The following CCDC171 variants were observed in gnomAD, a reference collection of about 807,000 sequenced individuals.
CCDC171 encodes coiled-coil domain containing 171.
Under a neutral mutation model 168.2 loss-of-function variants are expected in CCDC171, and 177 were observed. The observed-to-expected ratio is 1.05, with a 90% CI of 0.93 to 1.19. CCDC171 has a LOEUF of 1.19. CCDC171 is among the 50% of genes most tolerant of loss of function. The probability of loss-of-function intolerance (pLI) is 0.00; values close to 1 mark genes in which losing one functional copy is unlikely to be tolerated. For synonymous variants in CCDC171, 687 were observed against 540.8 expected, an observed-to-expected ratio of 1.27 and a Z score of -3.75; for missense variants, 1,991 against 1,539.0, an observed-to-expected ratio of 1.29 and a Z score of -4.91.
chr9:15,785,879 T>C (rs551491990), intron 21 of CCDC171, among the ~76,000 whole-genome samples: 2 of 152,210 alleles, frequency 1.3e-5, no homozygotes, highest in South Asian at 2.1e-4. Context: ...GTACTATTAT[T>C]ATGATTTTGA....
chr9:16,097,357 T>G, the CCDC171 span, among the ~76,000 whole-genome samples: 1 of 152,362 alleles, frequency 6.6e-6, no homozygotes, highest in Admixed American at 6.5e-5. Context: ...GAGAAAAAGC[T>G]AAATTACATC....
At chr9:15,680,570 T>C (rs1169777605) in intron 10 of CCDC171, among the ~76,000 whole-genome samples, 1 of 152,240 alleles carries the variant, frequency 6.6e-6, no homozygotes, top group East Asian at 1.9e-4. Flanking sequence ...TCCATTTATC[T>C]AAAGATGTTT....
At chr9:15,885,765 G>A (rs1819313447) in intron 24 of CCDC171, 1 of 152,096 alleles carries the variant, frequency 6.6e-6, no homozygotes, top group African/African-American at 2.4e-5. Flanking sequence ...GACAACTTAA[G>A]TGACAGCAGT....
chr9:15,983,355 A>G (rs139046479), intron 3 of CCDC171, among the ~76,000 whole-genome samples: 2 of 152,058 alleles, frequency 1.3e-5, no homozygotes, highest in African/African-American at 4.8e-5. Context: ...TTCTAGCAAT[A>G]TCTGTTTTTC....
chr9:15,845,909 CA>C (rs1185873898), intron 21 of CCDC171, among the ~76,000 whole-genome samples: 1 of 152,012 alleles, frequency 6.6e-6, no homozygotes, highest in Non-Finnish European at 1.5e-5. Flanking sequence ...TCTAAGCCTT[CA>C]GTGTAAAGTT....
At chr9:16,058,152 G>C (rs1416644940) in intron 1 of CCDC171, among the ~76,000 whole-genome samples, 1 of 152,034 alleles carries the variant, frequency 6.6e-6, no homozygotes, top group African/African-American at 2.4e-5. Flanking sequence ...AGTAGCTCTT[G>C]TCCAAGACCG....
At chr9:16,078,560 G>T in the CCDC171 span, among the ~76,000 whole-genome samples, 1 of 152,174 alleles carries the variant, frequency 6.6e-6, no homozygotes, top group African/African-American at 2.4e-5. Flanking sequence ...TTAGTGATTT[G>T]ATTTGACAGA....
At chr9:15,994,503 G>T (rs547655285) in intron 3 of CCDC171, among the ~76,000 whole-genome samples, 4 of 152,284 alleles carry the variant, frequency 2.6e-5, no homozygotes, top group African/African-American at 9.6e-5. Context: ...GTTAATGGGT[G>T]CAACATGCCA....
chr9:15,924,814 A>G (rs1335529910), intron 25 of CCDC171, among the ~76,000 whole-genome samples: 1 of 151,486 alleles, frequency 6.6e-6, no homozygotes, highest in East Asian at 1.9e-4. Flanking sequence ...CAATAATTTT[A>G]TGCTTGCTCT....
At chr9:15,637,774 C>T (rs1452765731) in intron 7 of CCDC171, among the ~76,000 whole-genome samples, 1 of 151,936 alleles carries the variant, frequency 6.6e-6, no homozygotes, top group African/African-American at 2.4e-5. Context: ...CCAATTTCAT[C>T]CATGTCCCTA....
At chr9:15,568,642 G>A (rs200953551) in intron 2 of CCDC171, among the ~76,000 whole-genome samples, 2 of 152,040 alleles carry the variant, frequency 1.3e-5, no homozygotes, top group South Asian at 2.1e-4. Context: ...TTTGATTTGC[G>A]TTTCTCTAAT....
chr9:15,616,831 T>C (rs1587441137), intron 6 of CCDC171, among the ~76,000 whole-genome samples: 1 of 152,356 alleles, frequency 6.6e-6, no homozygotes, highest in Non-Finnish European at 1.5e-5. Flanking sequence ...AGGTTGTTCA[T>C]AATACTATTT....
At position 15,784,646 on chromosome 9, in the gene CCDC171, C is replaced by T; in HGVS notation, c.3219C>T (p.His1073=). The change falls in exon 21 of 26, where the codon CAC becomes CAT. Residue 1073 remains histidine, a synonymous_variant. Transcript: ENST00000380701. ...AATTGAATTATAAACTTGAATTGCA[C>T]TCCAGTGAGGAAGCTGACAAAAACC... ...LQELNYKLEL[H]SSEEADKNQT... The T allele has an allele frequency of 2.5e-6, 4 of 1,613,282 alleles. No homozygotes were observed. In the South Asian group the frequency reaches 4.4e-5, roughly 18 times the overall value.
chr9:15,724,927 C>T lies in CCDC171; in HGVS notation c.1643C>T (p.Ser548Phe). The change falls in exon 14 of 26, where the codon TCT (serine) becomes TTT (phenylalanine). Residue 548 changes from serine to phenylalanine, a missense_variant. Ser to Phe is a radical substitution (Grantham distance 155, BLOSUM62 -2). Transcript: ENST00000380701. ...AAAGAAAAGGCTCAGGCAGCCCAGT[C>T]TGAAAGTGAACTGCAGAAGCTTTCC... ...WEKEKAQAAQ[S>F]ESELQKLSQA... is the part of the protein sequence containing the mutation. 1.9e-6 allele frequency: 3 copies of T among 1,613,944 alleles called. No homozygotes were observed. The highest frequency in any genetic ancestry group is 2.5e-6 in the Non-Finnish European group (3 of 1,179,886).
chr9:15,677,132 T>G (rs547962175), intron 9 of CCDC171, among the ~76,000 whole-genome samples: 20 of 152,274 alleles, frequency 1.3e-4, no homozygotes, highest in African/African-American at 3.8e-4. Context: ...GAAATTCTCA[T>G]TGCTTTGTTT....
chr9:16,048,254 G>T (rs1833691666), intron 1 of CCDC171, among the ~76,000 whole-genome samples: 2 of 152,186 alleles, frequency 1.3e-5, no homozygotes, highest in African/African-American at 4.8e-5. Flanking sequence ...TGAACTCGTG[G>T]GAAACGTGTA....
At chr9:15,553,685 T>C (rs554771656) in intron 1 of CCDC171, 1 of 152,292 alleles carries the variant, frequency 6.6e-6, no homozygotes, top group South Asian at 2.1e-4. Flanking sequence ...CTAGACACTC[T>C]ACAGATGTTT....
Position 15,642,343 on chromosome 9 carries a change from GTATATATATATA to G in CCDC171, c.823-14754_823-14743del, listed in dbSNP as rs55976539. On this transcript the variant is annotated intron_variant, in intron 7 of 25. Transcript: ENST00000380701. ...TATATATATATACACGTGTGTGTGTGTATATATATATATATATATATATATATATATATATAT... is the reference window on the plus strand; with the variant it reads ...TATATATATATACACGTGTGTGTGTGTATATATATATATATATATATATAT... Among the ~76,000 whole-genome samples the G allele has an allele frequency of 3.3e-4, 36 of 107,564 alleles. 1 individual carries two copies. The highest frequency in any genetic ancestry group is 4.5e-3 in the Middle Eastern group (1 of 224). 70.6% of individuals were successfully genotyped at this position (107,564 alleles called of 152,430 possible).
intron 6 of CCDC171, among the ~76,000 whole-genome samples, chr9:15,599,509 G>A (rs971652722): frequency 3.9e-5 from 6 of 152,122 alleles, no homozygotes; most frequent in South Asian, 2.1e-4. Context: ...ATTTTCTGCC[G>A]AGAGATCCGC....
Sources: allele counts gnomAD v4.1 joint callset (sites outside exome capture counted in the v4.1 genomes callset), GRCh38; gene constraint gnomAD v4.1.1; transcripts MANE v1.5; gene names NCBI Gene and HGNC (gene_info 2026-07-23, HGNC 2026-07-21).